The following KCNIP4 variants were observed in gnomAD, a reference collection of about 807,000 sequenced individuals.
The protein encoded by KCNIP4 is Kv channel-interacting protein 4.
Under a neutral mutation model 34.0 loss-of-function variants are expected in KCNIP4, and 12 were observed. The ratio of observed to expected loss-of-function variants is 0.35; its 90% CI spans 0.23 to 0.57. The LOEUF (loss-of-function observed/expected upper bound fraction) is 0.57, where lower values mean the gene tolerates loss of function less well. Among genes scored for constraint, KCNIP4 ranks in the 20% least tolerant of loss-of-function variants. KCNIP4 has a pLI of 0.83. For synonymous variants in KCNIP4, 124 were observed against 102.2 expected, an observed-to-expected ratio of 1.21 and a Z score of -1.29; for missense variants, 238 against 311.7, an observed-to-expected ratio of 0.76 and a Z score of 1.78.
chr4:21,205,606 T>G (rs1366157405), intron 1 of KCNIP4, among the ~76,000 whole-genome samples: 1 of 152,218 alleles, frequency 6.6e-6, no homozygotes, highest in African/African-American at 2.4e-5. Flanking sequence ...AACAAATACT[T>G]AAAACTTACC....
intron 1 of KCNIP4, among the ~76,000 whole-genome samples, chr4:21,683,033 G>A (rs1750502046): frequency 6.6e-6 from 1 of 152,194 alleles, no homozygotes; most frequent in African/African-American, 2.4e-5. Context: ...GGGTTGCCAT[G>A]AAACTTCAAT....
At chr4:21,671,456 G>A (rs1407834971) in intron 1 of KCNIP4, among the ~76,000 whole-genome samples, 1 of 152,066 alleles carries the variant, frequency 6.6e-6, no homozygotes, top group African/African-American at 2.4e-5. Flanking sequence ...AAAATTATAG[G>A]GGAGGCCTAG....
At chr4:21,835,939 A>G (rs1313528217) in intron 1 of KCNIP4, among the ~76,000 whole-genome samples, 4 of 152,226 alleles carry the variant, frequency 2.6e-5, no homozygotes, top group African/African-American at 9.6e-5. Flanking sequence ...TACATTCAGT[A>G]TGACTCAACT....
At chr4:21,567,415 C>A (rs1272611138) in intron 1 of KCNIP4, among the ~76,000 whole-genome samples, 1 of 152,016 alleles carries the variant, frequency 6.6e-6, no homozygotes, top group East Asian at 1.9e-4. Context: ...TCCTCCCTGC[C>A]ACCCCCTCTT....
chr4:21,898,852 C>A (rs74381641), intron 1 of KCNIP4, among the ~76,000 whole-genome samples: 8 of 152,126 alleles, frequency 5.3e-5, no homozygotes, highest in African/African-American at 1.9e-4. Context: ...ATGTGGTCCC[C>A]GAGCACAGAC....
At chr4:21,720,375 T>A (rs1056603929) in intron 1 of KCNIP4, among the ~76,000 whole-genome samples, 1 of 152,198 alleles carries the variant, frequency 6.6e-6, no homozygotes, top group Non-Finnish European at 1.5e-5. Context: ...AGCAAATAGA[T>A]GTTAAGAAAA....
At chr4:20,783,390 G>T (rs1393861227) in intron 3 of KCNIP4, among the ~76,000 whole-genome samples, 3 of 152,148 alleles carry the variant, frequency 2.0e-5, no homozygotes, top group Non-Finnish European at 4.4e-5. Context: ...AGACTGGGAA[G>T]AAAAAGAGGT....
chr4:21,495,285 C>T (rs6826428), intron 1 of KCNIP4, among the ~76,000 whole-genome samples: 5,752 of 152,230 alleles, frequency 0.038, 326 homozygotes, highest in African/African-American at 0.12. Flanking sequence ...TTTGACAAAA[C>T]TCCACAGTGC....
At position 21,476,791 on chromosome 4, in the gene KCNIP4, G is replaced by A. The variant is rs1416089724; in HGVS notation, c.61+471780C>T. On this transcript the variant is annotated intron_variant, in intron 1 of 8. Coordinates refer to ENST00000382152, the MANE Select transcript of KCNIP4 (RefSeq NM_025221.6). ...TGTTAGGCTTCAGCATCTTCCTTTG[G>A]GGGCCAAAATAATTGTGTGTGTCCC... Among the ~76,000 whole-genome samples the A allele has an allele frequency of 2.0e-5, 3 of 152,216 alleles. No homozygotes were observed. In the East Asian group the frequency reaches 5.8e-4, roughly 29 times the overall value.
At chr4:21,136,339 G>T (rs1162248369) in intron 1 of KCNIP4, among the ~76,000 whole-genome samples, 1 of 152,082 alleles carries the variant, frequency 6.6e-6, no homozygotes, top group African/African-American at 2.4e-5. Flanking sequence ...AATTAGCAAA[G>T]GATAATTTTT....
intron 1 of KCNIP4, among the ~76,000 whole-genome samples, chr4:21,313,890 T>A (rs1239446099): frequency 6.6e-6 from 1 of 152,166 alleles, no homozygotes; most frequent in Non-Finnish European, 1.5e-5. Context: ...TCATCCCAAA[T>A]TGAGTGACTT....
In KCNIP4 at chr4:20,770,267, A is replaced by G. The variant is rs543217937; in HGVS notation, c.289-11377T>C. 2.0e-5 allele frequency among the ~76,000 whole-genome samples: 3 copies of G among 152,344 alleles called. No individual in the cohort carries two copies. In the East Asian group the frequency reaches 5.8e-4, roughly 29 times the overall value. On this transcript the variant is annotated intron_variant, in intron 3 of 8. Coordinates refer to ENST00000382152, the MANE Select transcript of KCNIP4 (RefSeq NM_025221.6). The stretch of plus-strand genomic sequence containing the variant: ...CGATTTGAAAAGACTATATTCTGTC[A>G]AGGCTTTAGAATCAGCAGTGTAAAG...
intron 1 of KCNIP4, among the ~76,000 whole-genome samples, chr4:21,189,359 T>A (rs1025711956): frequency 6.6e-6 from 1 of 152,172 alleles, no homozygotes. Flanking sequence ...CTTTTTAAAC[T>A]TCGAGAAAAA....
At chr4:20,971,996 C>T (rs1005539387) in intron 1 of KCNIP4, among the ~76,000 whole-genome samples, 1 of 152,184 alleles carries the variant, frequency 6.6e-6, no homozygotes, top group Non-Finnish European at 1.5e-5. Context: ...CAAGAAACTG[C>T]TTTCTTTGTC....
chr4:21,442,002 G>A (rs1308679537), intron 1 of KCNIP4, among the ~76,000 whole-genome samples: 1 of 152,058 alleles, frequency 6.6e-6, no homozygotes, highest in Non-Finnish European at 1.5e-5. Context: ...CTCAAGACTG[G>A]TCCTACTTTC....
intron 1 of KCNIP4, among the ~76,000 whole-genome samples, chr4:21,180,103 T>G (rs16870550): frequency 0.03 from 4,506 of 152,198 alleles, 220 homozygotes; most frequent in African/African-American, 0.1. Flanking sequence ...TCCCAAGAAA[T>G]AAGTCCACAA....
intron 1 of KCNIP4, among the ~76,000 whole-genome samples, chr4:21,838,415 T>G (rs1723475890): frequency 6.6e-6 from 1 of 152,202 alleles, no homozygotes; most frequent in Non-Finnish European, 1.5e-5. Flanking sequence ...CACATGGGGC[T>G]TTATTACTCC....
At chr4:21,577,895 T>TCCATCATTACTCCATCATAAA (rs1293888934) in intron 1 of KCNIP4, among the ~76,000 whole-genome samples, 11 of 152,288 alleles carry the variant, frequency 7.2e-5, no homozygotes, top group African/African-American at 2.2e-4. Flanking sequence ...CATCATTTAC[T>TCCATCATTACTCCATCATAAA]AGTATTCATT....
chr4:21,304,285 A>C (rs1160774985), intron 1 of KCNIP4, among the ~76,000 whole-genome samples: 1 of 152,018 alleles, frequency 6.6e-6, no homozygotes, highest in Non-Finnish European at 1.5e-5. Flanking sequence ...CCTCATTATC[A>C]CTCTTGCACA....
Sources: gnomAD v4.1 joint callset for allele counts (sites outside exome capture counted in the v4.1 genomes callset) on GRCh38, gnomAD v4.1.1 for gene constraint, MANE v1.5 for transcripts, NCBI Gene and HGNC (gene_info 2026-07-23, HGNC 2026-07-21) for gene names.